The following DNAJC6 variants were observed in gnomAD, a reference collection of about 807,000 sequenced individuals.
The protein encoded by DNAJC6 is auxilin.
A neutral mutation model predicts 110.0 loss-of-function variants in DNAJC6; 34 were observed. The observed-to-expected ratio is 0.31, with a 90% confidence interval of 0.24 to 0.41. The LOEUF (loss-of-function observed/expected upper bound fraction) is 0.41, where lower values mean the gene tolerates loss of function less well. DNAJC6 is among the 10% of genes least tolerant of loss of function. The pLI, the probability that DNAJC6 is intolerant of heterozygous loss-of-function variation, is 1.00. For synonymous variants in DNAJC6, 406 were observed against 437.2 expected (o/e 0.93, Z 0.89); for missense variants, 1,031 against 1,207.8 (o/e 0.85, Z 2.17).
At chr1:65,338,163 A>C (rs1188400920) in intron 1 of DNAJC6, among the ~76,000 whole-genome samples, 1 of 152,140 alleles carries the variant, frequency 6.6e-6, no homozygotes, top group African/African-American at 2.4e-5. Context: ...CAGTGGACAG[A>C]GCTAGGAGCA....
At chr1:65,343,761 A>G (rs929585275) in intron 1 of DNAJC6, among the ~76,000 whole-genome samples, 9 of 152,146 alleles carry the variant, frequency 5.9e-5, no homozygotes, top group Non-Finnish European at 1.2e-4. Context: ...AGGAAAAAAA[A>G]ATATTCCGAG....
chr1:65,320,580 A>G (rs967227709), intron 1 of DNAJC6, among the ~76,000 whole-genome samples: 7 of 152,198 alleles, frequency 4.6e-5, no homozygotes, highest in Non-Finnish European at 8.8e-5. Context: ...ATGCATTTGC[A>G]GTTGATACTC....
At chr1:65,402,528 C>T (rs982651428) in intron 15 of DNAJC6, among the ~76,000 whole-genome samples, 1 of 152,190 alleles carries the variant, frequency 6.6e-6, no homozygotes. Flanking sequence ...CACCAAGGAG[C>T]CTGTTTTCAA....
intron 1 of DNAJC6, among the ~76,000 whole-genome samples, chr1:65,292,226 C>T (rs757197346): frequency 4.0e-5 from 6 of 151,820 alleles, no homozygotes; most frequent in Non-Finnish European, 8.8e-5. Flanking sequence ...CCATGTTGGC[C>T]AGGCTGGTCT....
In DNAJC6 at chr1:65,412,968, G is replaced by C. The variant is rs775928833; in HGVS notation, c.2856G>C (p.Met952Ile). The C allele has an allele frequency of 6.2e-7, 1 of 1,613,950 alleles. No individual in the cohort carries two copies. The highest frequency in any genetic ancestry group is 8.5e-7 in the Non-Finnish European group (1 of 1,179,994). Residue 952 changes from methionine to isoleucine, a missense_variant, in exon 19 of 19, where the codon ATG (methionine) becomes ATC (isoleucine). Met to Ile is a conservative substitution (Grantham distance 10). Transcript: ENST00000371069. Reference protein sequence around the residue: ...PYEQYAKMIFMELNDAWSEFE... With the variant: ...PYEQYAKMIFIELNDAWSEFE... ...AACAATACGCAAAGATGATTTTCATGGAGCTCAATGATGCCTGGTCTGAAT... is the reference window on the plus strand; with the variant it reads ...AACAATACGCAAAGATGATTTTCATCGAGCTCAATGATGCCTGGTCTGAAT...
rs183071616 is a variant in DNAJC6, at chr1:65,319,753, T to A, written c.193+9815T>A. ...CGGCAAAAATCTTAGCAGATAATAG[T>A]CTTCATTTTTCCCTGATCCTTATTC... On this transcript the variant is annotated intron_variant, in intron 1 of 18. Coordinates refer to ENST00000371069, the MANE Select transcript of DNAJC6 (RefSeq NM_001256864.2). 1.5e-4 allele frequency among the ~76,000 whole-genome samples: 23 copies of A among 152,248 alleles called. No homozygotes were observed. In the East Asian group the frequency reaches 4.3e-3, roughly 28 times the overall value.
chr1:65,367,873 ATTTTTT>A (rs67626971), intron 4 of DNAJC6, among the ~76,000 whole-genome samples: 1 of 136,930 alleles, frequency 7.3e-6, no homozygotes, highest in Admixed American at 7.3e-5. Flanking sequence ...AGGAGGGAGC[ATTTTTT>A]TTTTTTTTTT....
At chr1:65,286,142 G>C (rs1479437041) in intron 1 of DNAJC6, among the ~76,000 whole-genome samples, 2 of 152,192 alleles carry the variant, frequency 1.3e-5, no homozygotes, top group African/African-American at 4.8e-5. Flanking sequence ...CTCTTGCTGT[G>C]TGTGTATTCT....
At position 65,415,480 on chromosome 1, in the gene DNAJC6, ACACACATG is replaced by A. The variant is rs1399780735; in HGVS notation, c.*2459_*2466del. The stretch of plus-strand genomic sequence containing the variant: ...CACACACACACACACACACACACAC[ACACACATG>A]CACGCACACATGATTTTGATTATGC... On this transcript the variant is annotated 3_prime_UTR_variant, in exon 19 of 19. Coordinates refer to ENST00000371069, the MANE Select transcript of DNAJC6 (RefSeq NM_001256864.2). 3 of 151,938 alleles carry A rather than the reference ACACACATG, an allele frequency of 2.0e-5. No individual in the cohort carries two copies. The East Asian group carries it at 5.8e-4, about 29-fold the overall frequency. The allele number at this position is 151,938 out of a possible 1,614,324, so 9.4% of individuals were successfully genotyped here.
At chr1:65,341,034 C>T (rs991016921) in intron 1 of DNAJC6, among the ~76,000 whole-genome samples, 7 of 152,232 alleles carry the variant, frequency 4.6e-5, no homozygotes, top group East Asian at 1.9e-4. Flanking sequence ...TTAGCTTGGG[C>T]GGGTTATGCA....
chr1:65,298,148 A>G (rs1644944705), intron 1 of DNAJC6, among the ~76,000 whole-genome samples: 1 of 152,118 alleles, frequency 6.6e-6, no homozygotes, highest in African/African-American at 2.4e-5. Context: ...CTCTATTACA[A>G]TTCCCCTGTC....
chr1:65,291,690 C>A (rs1644876142), intron 1 of DNAJC6, among the ~76,000 whole-genome samples: 2 of 152,148 alleles, frequency 1.3e-5, no homozygotes, highest in African/African-American at 4.8e-5. Flanking sequence ...GTACTGAGTG[C>A]TGTTAAGGGT....
intron 1 of DNAJC6, among the ~76,000 whole-genome samples, chr1:65,301,106 A>G (rs1042234400): frequency 6.6e-6 from 1 of 152,196 alleles, no homozygotes; most frequent in Non-Finnish European, 1.5e-5. Flanking sequence ...TTTCTTCAAG[A>G]CTGAGAGAAG....
Position 65,401,759 on chromosome 1 carries a change from A to G in DNAJC6, c.2108-2A>G. The G allele has an allele frequency of 6.2e-7, 1 of 1,610,130 alleles. No individual in the cohort carries two copies. The highest frequency in any genetic ancestry group is 8.5e-7 in the Non-Finnish European group (1 of 1,179,162). On this transcript the variant is annotated splice_acceptor_variant, in intron 14 of 18. Coordinates refer to ENST00000371069, the MANE Select transcript of DNAJC6 (RefSeq NM_001256864.2). LOFTEE classifies it high-confidence loss of function. ...TTTTCAATGACCTTATTTCCTTTTC[A>G]GGAGGCTTTGGAATGGGAAGCAAGT...
At chr1:65,335,934 A>G (rs755242868) in intron 1 of DNAJC6, among the ~76,000 whole-genome samples, 2 of 152,176 alleles carry the variant, frequency 1.3e-5, no homozygotes, top group Non-Finnish European at 2.9e-5. Context: ...AGATATTGCA[A>G]TAATTCAGAT....
rs149877883 is a variant in DNAJC6, at chr1:65,270,621, A to C, written c.-131+5689A>C. Among the ~76,000 whole-genome samples the C allele has an allele frequency of 2.0e-4, 31 of 152,280 alleles. No homozygotes were observed. The East Asian group carries it at 5.4e-3, about 27-fold the overall frequency. On this transcript the variant is annotated intron_variant, in intron 1 of 19. Coordinates refer to the DNAJC6 transcript ENST00000263441. ...GTTATAAATCTCTAAAAGTGATGTT[A>C]CTGGTCGTTGATTATTTTTATGCTA...
At chr1:65,272,669 G>A (rs185093978) in intron 1 of DNAJC6, among the ~76,000 whole-genome samples, 1 of 148,508 alleles carries the variant, frequency 6.7e-6, no homozygotes, top group East Asian at 2.0e-4. Flanking sequence ...TTTTGTTCTT[G>A]GAAGGTTTTA....
chr1:65,297,603 C>T (rs1570237106), intron 1 of DNAJC6, among the ~76,000 whole-genome samples: 1 of 152,172 alleles, frequency 6.6e-6, no homozygotes, highest in Non-Finnish European at 1.5e-5. Flanking sequence ...TTCAAGCTGC[C>T]CTTGTTCATT....
chr1:65,389,969 C>A (rs571058703), intron 11 of DNAJC6, among the ~76,000 whole-genome samples: 3 of 151,744 alleles, frequency 2.0e-5, no homozygotes, highest in Non-Finnish European at 4.4e-5. Flanking sequence ...GCTATGATTG[C>A]GCCACTGCAC....
Sources: gnomAD v4.1 joint callset for allele counts (sites outside exome capture counted in the v4.1 genomes callset) on GRCh38, gnomAD v4.1.1 for gene constraint, MANE v1.5 for transcripts, NCBI Gene and HGNC (gene_info 2026-07-23, HGNC 2026-07-21) for gene names.